The following CMTM6 variants were observed in gnomAD, a reference collection of about 807,000 sequenced individuals.
CMTM6 encodes the protein CKLF-like MARVEL transmembrane domain-containing protein 6.
In CMTM6, 5 loss-of-function variants were observed where a neutral mutation model predicts 13.6. The ratio of observed to expected loss-of-function variants is 0.37; its 90% CI spans 0.19 to 0.77. The LOEUF is 0.77. CMTM6 is among the 30% of genes least tolerant of loss of function. The pLI is 0.50. For synonymous variants in CMTM6, 99 were observed against 84.5 expected, an observed-to-expected ratio of 1.17 and a Z score of -0.94; for missense variants, 196 against 218.6, an observed-to-expected ratio of 0.90 and a Z score of 0.65.
At position 32,491,711 on chromosome 3, in the gene CMTM6, G is replaced by A. The variant is rs765694133; in HGVS notation, c.314C>T (p.Ser105Leu). 2.2e-5 allele frequency: 35 copies of A among 1,587,298 alleles called. No individual in the cohort carries two copies. The South Asian group carries it at 2.4e-4, about 11-fold the overall frequency. Residue 105 changes from serine (S) to leucine (L), a missense_variant and splice_region_variant, in exon 2 of 4, where the codon TCG (serine) becomes TTG (leucine). This residue lies in a region of CMTM6 where 111 missense variants were observed against 160.0 expected (regional missense o/e 0.69). Transcript: ENST00000205636. The stretch of plus-strand genomic sequence containing the variant: ...GGGATGATATTTTCTCATGCTTACC[G>A]ATGATTTTACTTTTGTGGTATCAAC... Reference protein sequence around the residue: ...ERVDTTKVKSSDFYITLGTGC... With the variant: ...ERVDTTKVKSLDFYITLGTGC...
chr3:32,491,883 G>A lies in CMTM6; in HGVS notation c.142C>T (p.Leu48=), dbSNP rs1283055485. The change falls in exon 2 of 4, where the codon CTG becomes TTG. Residue 48 remains leucine (L), a synonymous_variant. Coordinates refer to ENST00000205636, the MANE Select transcript of CMTM6 (RefSeq NM_017801.3). ...RRVLKGLQLL[L]SLLAFICEEV... ...TCACAGATGAAGGCCAGCAGAGACA[G>A]CAACTACAAATGAAGCAAAACATTT... 6.2e-7 allele frequency: 1 copy of A among 1,601,858 alleles called. No individual in the cohort carries two copies. Among genetic ancestry groups the A allele is most frequent in the Non-Finnish European group, 8.5e-7 (1 of 1,175,998 alleles).
At position 32,491,888 on chromosome 3, in the gene CMTM6, T is replaced by C. The variant is rs1697253019; in HGVS notation, c.139-2A>G. On this transcript the variant is annotated splice_acceptor_variant, in intron 1 of 3. Transcript: ENST00000205636. LOFTEE classifies it high-confidence loss of function. ...GATGAAGGCCAGCAGAGACAGCAACTACAAATGAAGCAAAACATTTTACTT... is the reference window on the plus strand; with the variant it reads ...GATGAAGGCCAGCAGAGACAGCAACCACAAATGAAGCAAAACATTTTACTT... The C allele has an allele frequency of 6.3e-7, 1 of 1,598,752 alleles. No homozygotes were observed. Among genetic ancestry groups the C allele is most frequent in the Non-Finnish European group, 8.5e-7 (1 of 1,174,730 alleles).
chr3:32,495,558 T>C (rs905109111), intron 1 of CMTM6, among the ~76,000 whole-genome samples: 1 of 152,246 alleles, frequency 6.6e-6, no homozygotes, highest in Non-Finnish European at 1.5e-5. Flanking sequence ...TAAAAGTCAA[T>C]TAACTGAGAG....
Position 32,494,749 on chromosome 3 carries a change from T to C in CMTM6, c.139-2863A>G, listed in dbSNP as rs190958215. On this transcript the variant is annotated intron_variant, in intron 1 of 3. Coordinates refer to ENST00000205636, the MANE Select transcript of CMTM6 (RefSeq NM_017801.3). ...AGAATTATTCAAAGGAAAAAAAAAATCCAATCTCAAAAGGTTACATATTGC... is the reference window on the plus strand; with the variant it reads ...AGAATTATTCAAAGGAAAAAAAAAACCCAATCTCAAAAGGTTACATATTGC... Among the ~76,000 whole-genome samples the C allele has an allele frequency of 6.2e-4, 94 of 151,838 alleles. No individual in the cohort carries two copies. In the East Asian group the frequency reaches 0.014, roughly 22 times the overall value.
chr3:32,493,620 G>A (rs1314180251), intron 1 of CMTM6, among the ~76,000 whole-genome samples: 1 of 152,044 alleles, frequency 6.6e-6, no homozygotes, highest in Non-Finnish European at 1.5e-5. Context: ...ACTCAAATGA[G>A]GAAAGATAGC....
intron 1 of CMTM6, among the ~76,000 whole-genome samples, chr3:32,501,209 C>T (rs1697342098): frequency 6.8e-6 from 1 of 146,712 alleles, no homozygotes; most frequent in Admixed American, 6.8e-5. Flanking sequence ...AAAAAAAAAG[C>T]TTCAGATGAA....
chr3:32,487,881 A>G, intron 3 of CMTM6, 57 bp downstream of exon 3: 2 of 1,276,638 alleles, frequency 1.6e-6, no homozygotes, highest in Non-Finnish European at 1.1e-6. Flanking sequence ...GTACTCTCCA[A>G]ATTCCATATT....
chr3:32,490,861 A>AT (rs3836418), intron 2 of CMTM6, among the ~76,000 whole-genome samples: 69 of 151,606 alleles, frequency 4.6e-4, no homozygotes, highest in African/African-American at 1.5e-3. Context: ...GAATATATAC[A>AT]TTTTTTTTTA....
At chr3:32,485,864 T>C (rs1035530704) in intron 3 of CMTM6, among the ~76,000 whole-genome samples, 1 of 152,210 alleles carries the variant, frequency 6.6e-6, no homozygotes, top group Non-Finnish European at 1.5e-5. Flanking sequence ...ACAACTCTAT[T>C]AATTACAACT....
At chr3:32,489,421 C>T (rs987215826) in intron 2 of CMTM6, among the ~76,000 whole-genome samples, 1 of 152,050 alleles carries the variant, frequency 6.6e-6, no homozygotes, top group Non-Finnish European at 1.5e-5. Flanking sequence ...GAGGCCAAGA[C>T]AGGTGGATCA....
chr3:32,486,926 C>T lies in CMTM6; in HGVS notation c.414+1012G>A, dbSNP rs538597447. Among the ~76,000 whole-genome samples, 16 of 152,320 alleles carry T rather than the reference C, an allele frequency of 1.1e-4. No homozygotes were observed. In the South Asian group the frequency reaches 2.3e-3, roughly 22 times the overall value. The stretch of plus-strand genomic sequence containing the variant: ...ATGTAAGATGTGCCTGCTTCCGCCT[C>T]GCCTTCTGCCATGACTGTAAATTTC... On this transcript the variant is annotated intron_variant, in intron 3 of 3. Transcript: ENST00000205636.
chr3:32,494,546 A>G (rs1367448903), intron 1 of CMTM6, among the ~76,000 whole-genome samples: 1 of 152,226 alleles, frequency 6.6e-6, no homozygotes, highest in Non-Finnish European at 1.5e-5. Flanking sequence ...TGAAAACTTA[A>G]CATTTGTACA....
intron 1 of CMTM6, among the ~76,000 whole-genome samples, chr3:32,494,108 G>A (rs1270311083): frequency 6.6e-6 from 1 of 152,188 alleles, no homozygotes; most frequent in African/African-American, 2.4e-5. Flanking sequence ...TAAAGACATA[G>A]GTAGAAAAAT....
At position 32,502,773 on chromosome 3, in the gene CMTM6, G is replaced by T. The variant is rs766207744; in HGVS notation, c.-28C>A. ...CCTCGGGCCGGGGAGCGCGGCGGCC[G>T]CAGCAACCGCGCCGTTGACTTCTCG... On this transcript the variant is annotated 5_prime_UTR_variant, in exon 1 of 4. Transcript: ENST00000205636. 1.4e-6 allele frequency: 2 copies of T among 1,402,794 alleles called. No homozygotes were observed. Among genetic ancestry groups the T allele is most frequent in the Admixed American group, 3.1e-5 (1 of 32,652 alleles). The allele number at this position is 1,402,794 out of a possible 1,614,324, so 86.9% of individuals were successfully genotyped here. A position where few individuals can be genotyped will look rare whatever the true frequency, so the allele number is the denominator to read the frequency against.
rs1697153283 is a variant in CMTM6 at position 32,481,536 on chromosome 3, C to CTATT, written c.*2420_*2423dup. 6.6e-6 allele frequency: 1 copy of CTATT among 152,070 alleles called. No individual in the cohort carries two copies. The highest frequency in any genetic ancestry group is 6.5e-5 in the Admixed American group (1 of 15,268). 9.4% of individuals were successfully genotyped at this position (152,070 alleles called of 1,614,324 possible). On this transcript the variant is annotated 3_prime_UTR_variant, in exon 4 of 4. Transcript: ENST00000205636. ...ATTCTTGAGAACCATTCTAAGCAATCTATTTGTATAAAATATAAAATTTAT... is the reference window on the plus strand; with the variant it reads ...ATTCTTGAGAACCATTCTAAGCAATCTATTTATTTGTATAAAATATAAAATTTAT...
At chr3:32,500,396 G>C (rs1697334587) in intron 1 of CMTM6, among the ~76,000 whole-genome samples, 1 of 152,222 alleles carries the variant, frequency 6.6e-6, no homozygotes, top group Middle Eastern at 3.4e-3. Context: ...TTACTGTGAA[G>C]AGATAAGACA....
chr3:32,488,660 A>T (rs2125656478), intron 2 of CMTM6, among the ~76,000 whole-genome samples: 1 of 152,332 alleles, frequency 6.6e-6, no homozygotes, highest in Non-Finnish European at 1.5e-5. Flanking sequence ...TAGACACTGA[A>T]GCTTTCTGGA....
chr3:32,499,892 A>G (rs1697330317), intron 1 of CMTM6, among the ~76,000 whole-genome samples: 1 of 150,714 alleles, frequency 6.6e-6, no homozygotes, highest in African/African-American at 2.4e-5. Flanking sequence ...ATGGAGCCTC[A>G]GAGGTTTGAA....
chr3:32,497,382 CAAA>C lies in CMTM6; in HGVS notation c.138+5223_138+5225del, dbSNP rs144445988. ...CCTGGGCAACAGCGAGACTCTGTCT[CAAA>C]AAAAAAAAAAAAAAAGAAAGAAAAA... On this transcript the variant is annotated intron_variant, in intron 1 of 3. Coordinates refer to ENST00000205636, the MANE Select transcript of CMTM6 (RefSeq NM_017801.3). Among the ~76,000 whole-genome samples the C allele has an allele frequency of 2.1e-4, 11 of 53,612 alleles. No homozygotes were observed. In the East Asian group the frequency reaches 4.3e-3, roughly 21 times the overall value. 35.2% of individuals were successfully genotyped at this position (53,612 alleles called of 152,430 possible). A position where few individuals can be genotyped will look rare whatever the true frequency, so the allele number is the denominator to read the frequency against.
Sources: allele counts gnomAD v4.1 joint callset (sites outside exome capture counted in the v4.1 genomes callset), GRCh38; gene constraint gnomAD v4.1.1; regional missense constraint gnomAD v4.1.1; transcripts MANE v1.5; gene names NCBI Gene and HGNC (gene_info 2026-07-23, HGNC 2026-07-21).